PKIB: variants seen among roughly 807,000 people sequenced by gnomAD.
PKIB encodes the protein cAMP-dependent protein kinase inhibitor beta.
A neutral mutation model predicts 4.5 loss-of-function variants in PKIB; 2 were observed. The observed-to-expected ratio is 0.44, with a 90% CI of 0.18 to 1.39. The LOEUF (loss-of-function observed/expected upper bound fraction) is 1.39. PKIB is among the 40% of genes most tolerant of loss of function. The pLI, the probability that PKIB is intolerant of heterozygous loss-of-function variation, is 0.27. For synonymous variants in PKIB, 38 were observed against 36.0 expected (o/e 1.06, Z -0.20); for missense variants, 94 against 92.6 (o/e 1.02, Z -0.06).
At chr6:122,724,186 G>T (rs1779852908) in intron 4 of PKIB, among the ~76,000 whole-genome samples, 1 of 152,194 alleles carries the variant, frequency 6.6e-6, no homozygotes, top group African/African-American at 2.4e-5. Context: ...TTGAAAGAGG[G>T]TCTTTGTTAG....
Position 122,633,929 on chromosome 6 carries a change from CCTATCTAT to C in PKIB, c.-76+600_-76+607del, listed in dbSNP as rs61254507. Among the ~76,000 whole-genome samples, 164 of 145,976 alleles carry C rather than the reference CCTATCTAT, an allele frequency of 1.1e-3. 1 individual carries two copies. The highest frequency in any genetic ancestry group is 2.0e-3 in the African/African-American group (78 of 39,236). On this transcript the variant is annotated intron_variant, in intron 2 of 4. Coordinates refer to ENST00000368452, the MANE Select transcript of PKIB (RefSeq NM_181795.3). ...GTGCTGGTATCTCACAGATATCTGT[CCTATCTAT>C]CTATCTATCTATCTATCTATCTATC...
intron 2 of PKIB, among the ~76,000 whole-genome samples, chr6:122,509,734 A>G (rs567368906): frequency 6.6e-6 from 1 of 152,226 alleles, no homozygotes; most frequent in East Asian, 1.9e-4. Context: ...CCCAGCTTAA[A>G]ATTGTCATTT....
chr6:122,670,270 G>T (rs987095346), intron 2 of PKIB, among the ~76,000 whole-genome samples: 3 of 152,074 alleles, frequency 2.0e-5, no homozygotes, highest in Non-Finnish European at 4.4e-5. Context: ...ATCTGTGGCT[G>T]TGTACCCAGC....
At chr6:122,575,444 T>C (rs1288094193) in intron 2 of PKIB, among the ~76,000 whole-genome samples, 2 of 151,766 alleles carry the variant, frequency 1.3e-5, no homozygotes, top group African/African-American at 2.4e-5. Flanking sequence ...TAAGTCATTA[T>C]ATGAAAAAAA....
chr6:122,473,508 C>A (rs1582642673), intron 1 of PKIB, among the ~76,000 whole-genome samples: 3 of 152,248 alleles, frequency 2.0e-5, no homozygotes, highest in South Asian at 4.1e-4. Context: ...AAAAAATTTA[C>A]TTTTATTTAA....
intron 2 of PKIB, among the ~76,000 whole-genome samples, chr6:122,494,100 C>T (rs185408138): frequency 4.5e-4 from 68 of 152,204 alleles, no homozygotes; most frequent in Non-Finnish European, 6.8e-4. Flanking sequence ...ACTTTATATA[C>T]GGCCAAGTTA....
At chr6:122,498,345 A>G (rs900995021) in intron 2 of PKIB, among the ~76,000 whole-genome samples, 11 of 152,186 alleles carry the variant, frequency 7.2e-5, no homozygotes, top group Non-Finnish European at 1.5e-4. Context: ...TCAGGAGGAC[A>G]GTGCAGGAAA....
intron 1 of PKIB, among the ~76,000 whole-genome samples, chr6:122,623,968 G>C (rs752175865): frequency 1.3e-5 from 2 of 152,148 alleles, no homozygotes; most frequent in Non-Finnish European, 1.5e-5. Context: ...TTTGTGACAA[G>C]AATTCAGTAT....
At chr6:122,641,867 A>G (rs1485975528) in intron 2 of PKIB, among the ~76,000 whole-genome samples, 2 of 151,968 alleles carry the variant, frequency 1.3e-5, no homozygotes, top group African/African-American at 4.8e-5. Flanking sequence ...CTCATTTTTT[A>G]TTTTTAGTAG....
intron 2 of PKIB, 131 bp downstream of exon 2, chr6:122,633,498 A>T (rs1775781333): frequency 6.6e-6 from 1 of 152,236 alleles, no homozygotes; most frequent in Non-Finnish European, 1.5e-5. Context: ...TCTTCATTTT[A>T]GAAAACAATG....
intron 4 of PKIB, among the ~76,000 whole-genome samples, chr6:122,721,173 A>G (rs1305625135): frequency 6.6e-6 from 1 of 152,206 alleles, no homozygotes; most frequent in Non-Finnish European, 1.5e-5. Context: ...CTTTTGATAT[A>G]TAGATGTTAC....
chr6:122,719,489 A>T (rs1320212541), intron 4 of PKIB, among the ~76,000 whole-genome samples: 1 of 152,170 alleles, frequency 6.6e-6, no homozygotes, highest in Non-Finnish European at 1.5e-5. Flanking sequence ...ATACCACATG[A>T]TCTTATTCAT....
intron 3 of PKIB, among the ~76,000 whole-genome samples, chr6:122,704,743 T>TGA (rs72137605): frequency 9.2e-5 from 14 of 151,724 alleles, no homozygotes; most frequent in Non-Finnish European, 2.1e-4. Flanking sequence ...TGTGTGTGTG[T>TGA]GTGTGTGTGT....
At chr6:122,607,087 AT>A (rs569354573), upstream of PKIB, among the ~76,000 whole-genome samples, 728 of 150,304 alleles carry the variant, frequency 4.8e-3, 3 homozygotes, top group African/African-American at 0.016. Flanking sequence ...AAAAAAAAAA[AT>A]AATAATAATA....
chr6:122,718,463 T>C (rs1779592142), intron 4 of PKIB, among the ~76,000 whole-genome samples: 1 of 152,178 alleles, frequency 6.6e-6, no homozygotes, highest in Admixed American at 6.5e-5. Context: ...GGTGATACTT[T>C]ATATGAAAGT....
chr6:122,512,717 T>G (rs1776621924), intron 2 of PKIB, among the ~76,000 whole-genome samples: 2 of 152,162 alleles, frequency 1.3e-5, no homozygotes, highest in Admixed American at 6.5e-5. Context: ...ACTGTTGTTT[T>G]TCTTATAGTA....
intron 3 of PKIB, among the ~76,000 whole-genome samples, chr6:122,703,676 T>G (rs1278174415): frequency 6.6e-6 from 1 of 151,792 alleles, no homozygotes; most frequent in African/African-American, 2.4e-5. Flanking sequence ...ACACTTATGA[T>G]GCAATTCTCT....
intron 2 of PKIB, among the ~76,000 whole-genome samples, chr6:122,653,268 G>A (rs1776636330): frequency 6.6e-6 from 1 of 152,158 alleles, no homozygotes; most frequent in African/African-American, 2.4e-5. Flanking sequence ...ATTCCTGGGT[G>A]AACATTTGAT....
chr6:122,509,956 G>A (rs987251553), intron 2 of PKIB, among the ~76,000 whole-genome samples: 4 of 149,888 alleles, frequency 2.7e-5, no homozygotes, highest in African/African-American at 9.8e-5. Context: ...TTGGGTGTTA[G>A]TTTTTTTTTA....
Sources: allele counts gnomAD v4.1 joint callset (sites outside exome capture counted in the v4.1 genomes callset), GRCh38; gene constraint gnomAD v4.1.1; transcripts MANE v1.5; gene names NCBI Gene and HGNC (gene_info 2026-07-23, HGNC 2026-07-21).